The following QTMAN variants were observed in gnomAD, a reference collection of about 807,000 sequenced individuals.
QTMAN encodes queuosine-tRNA mannosyltransferase.
the QTMAN span, among the ~76,000 whole-genome samples, chr2:144,283,001 T>G: frequency 6.6e-6 from 1 of 152,138 alleles, no homozygotes; most frequent in East Asian, 1.9e-4. Flanking sequence ...GGGAAAGAAG[T>G]TGCTGCGCCC....
the QTMAN span, among the ~76,000 whole-genome samples, chr2:144,103,725 G>A: frequency 3.9e-5 from 6 of 152,130 alleles, no homozygotes; most frequent in Non-Finnish European, 7.4e-5. Flanking sequence ...GTAATCTGAA[G>A]GAAAATATCA....
chr2:143,980,380 T>C, the QTMAN span, among the ~76,000 whole-genome samples: 1 of 152,224 alleles, frequency 6.6e-6, no homozygotes, highest in Admixed American at 6.5e-5. Context: ...AACTAACCCA[T>C]TTTTAAAGTT....
the QTMAN span, among the ~76,000 whole-genome samples, chr2:144,280,313 T>C: frequency 3.3e-5 from 5 of 152,294 alleles, no homozygotes; most frequent in Admixed American, 6.5e-5. Flanking sequence ...TAGAAGCTTG[T>C]GTTGTTAAAC....
At chr2:144,304,654 A>T in the QTMAN span, among the ~76,000 whole-genome samples, 2 of 152,240 alleles carry the variant, frequency 1.3e-5, no homozygotes, top group Non-Finnish European at 2.9e-5. Flanking sequence ...TATATTCGCC[A>T]GGCTGGTCTT....
At chr2:144,195,334 C>T in the QTMAN span, among the ~76,000 whole-genome samples, 2 of 152,054 alleles carry the variant, frequency 1.3e-5, no homozygotes, top group African/African-American at 4.8e-5. Context: ...TGGTACTCAC[C>T]ACAACTCCTC....
chr2:143,978,091 C>T, the QTMAN span, among the ~76,000 whole-genome samples: 1 of 152,198 alleles, frequency 6.6e-6, no homozygotes, highest in Non-Finnish European at 1.5e-5. Context: ...GTTCCTCTTT[C>T]CTCATCTGGT....
At chr2:144,056,366 C>T in the QTMAN span, among the ~76,000 whole-genome samples, 1 of 152,176 alleles carries the variant, frequency 6.6e-6, no homozygotes, top group Admixed American at 6.5e-5. Context: ...AGGATGAATG[C>T]ACCCTGAAGG....
the QTMAN span, among the ~76,000 whole-genome samples, chr2:144,180,339 G>A: frequency 2.0e-4 from 31 of 152,100 alleles, no homozygotes; most frequent in East Asian, 1.9e-3. Flanking sequence ...GTAATAGCTC[G>A]ATGAAATCTT....
the QTMAN span, among the ~76,000 whole-genome samples, chr2:144,133,201 A>T: frequency 1.9e-4 from 15 of 79,614 alleles, no homozygotes; most frequent in South Asian, 4.4e-3. Context: ...TTATATATAT[A>T]TATTTATATA....
the QTMAN span, among the ~76,000 whole-genome samples, chr2:144,306,301 C>T: frequency 6.6e-6 from 1 of 152,138 alleles, no homozygotes; most frequent in Non-Finnish European, 1.5e-5. Flanking sequence ...ACATTACAAC[C>T]CTACTCCCGG....
At chr2:143,969,897 G>T in the QTMAN span, among the ~76,000 whole-genome samples, 1 of 152,148 alleles carries the variant, frequency 6.6e-6, no homozygotes, top group Admixed American at 6.5e-5. Context: ...GTAAACTTTA[G>T]GTGTTCCTTA....
chr2:144,290,132 C>A, the QTMAN span, among the ~76,000 whole-genome samples: 3 of 150,060 alleles, frequency 2.0e-5, no homozygotes, highest in African/African-American at 4.9e-5. Context: ...TTTTTCTGTT[C>A]ATAAATTTTC....
chr2:144,286,770 G>A, the QTMAN span, among the ~76,000 whole-genome samples: 17 of 152,064 alleles, frequency 1.1e-4, no homozygotes, highest in Non-Finnish European at 1.6e-4. Flanking sequence ...AGATTTGAGT[G>A]AAGAAAGAAA....
chr2:144,152,130 C>T, the QTMAN span, among the ~76,000 whole-genome samples: 2 of 152,148 alleles, frequency 1.3e-5, no homozygotes, highest in South Asian at 4.1e-4. Context: ...TTACTTTCTT[C>T]CATCATGTAA....
chr2:144,250,424 C>T, the QTMAN span, among the ~76,000 whole-genome samples: 2 of 151,872 alleles, frequency 1.3e-5, no homozygotes, highest in African/African-American at 2.4e-5. Context: ...ATTACAAGCA[C>T]GAGCCACCAT....
At chr2:144,062,982 A>G in the QTMAN span, among the ~76,000 whole-genome samples, 1 of 152,188 alleles carries the variant, frequency 6.6e-6, no homozygotes, top group African/African-American at 2.4e-5. Flanking sequence ...CCAAACAAGT[A>G]ACCATCCAGC....
the QTMAN span, among the ~76,000 whole-genome samples, chr2:144,273,977 T>C: frequency 2.6e-5 from 4 of 152,028 alleles, no homozygotes; most frequent in African/African-American, 9.6e-5. Context: ...CTACTAAAAA[T>C]ACAAAAATGA....
At chr2:144,182,821 TATATATA>T in the QTMAN span, among the ~76,000 whole-genome samples, 5 of 67,824 alleles carry the variant, frequency 7.4e-5, no homozygotes, top group African/African-American at 3.1e-4. Flanking sequence ...ATATATATTA[TATATATA>T]ATATATATAT....
chr2:144,324,733 A>C, the QTMAN span, among the ~76,000 whole-genome samples: 1 of 152,298 alleles, frequency 6.6e-6, no homozygotes, highest in East Asian at 1.9e-4. Flanking sequence ...GTGAAAAGGA[A>C]GCTGGTGCAC....
Sources: gnomAD v4.1 joint callset for allele counts (sites outside exome capture counted in the v4.1 genomes callset) on GRCh38, gnomAD v4.1.1 for gene constraint, MANE v1.5 for transcripts, NCBI Gene and HGNC (gene_info 2026-07-23, HGNC 2026-07-21) for gene names.